Variants in MTUS2 observed in about 807,000 individuals in gnomAD.
MTUS2 encodes the protein microtubule-associated tumor suppressor candidate 2.
MTUS2 carries 40 observed loss-of-function variants against 114.1 expected under a neutral mutation model. The ratio of observed to expected loss-of-function variants is 0.35; its 90% CI spans 0.27 to 0.46. The LOEUF (loss-of-function observed/expected upper bound fraction) is 0.46, where lower values mean the gene tolerates loss of function less well. Ranked by LOEUF, MTUS2 falls within the 20% of genes least tolerant of loss-of-function variation. The probability of loss-of-function intolerance (pLI) is 1.00; values close to 1 mark genes in which losing one functional copy is unlikely to be tolerated. For missense variants in MTUS2, 1,679 were observed against 1,705.4 expected (o/e 0.98, Z 0.27); for synonymous variants, 688 against 672.0 (o/e 1.02, Z -0.37).
intron 5 of MTUS2, among the ~76,000 whole-genome samples, chr13:29,117,487 T>C (rs919534318): frequency 6.6e-6 from 1 of 152,210 alleles, no homozygotes; most frequent in African/African-American, 2.4e-5. Flanking sequence ...TCCTTGGTTT[T>C]CAGGGTTGAG....
intron 2 of MTUS2, among the ~76,000 whole-genome samples, chr13:29,021,714 A>C (rs1202415399): frequency 6.6e-6 from 1 of 152,240 alleles, no homozygotes; most frequent in East Asian, 1.9e-4. Flanking sequence ...GCATTCTTTT[A>C]AACTGTGATC....
chr13:29,350,185 C>G (rs1296433792), intron 7 of MTUS2, among the ~76,000 whole-genome samples: 2 of 151,904 alleles, frequency 1.3e-5, no homozygotes, highest in African/African-American at 2.4e-5. Flanking sequence ...TGTTAGACAT[C>G]CAGAAGTGGC....
chr13:29,176,428 T>C (rs1893774673), intron 5 of MTUS2, among the ~76,000 whole-genome samples: 1 of 152,186 alleles, frequency 6.6e-6, no homozygotes, highest in African/African-American at 2.4e-5. Context: ...GTGTGTTCTC[T>C]TGGAGCAGGT....
intron 2 of MTUS2, among the ~76,000 whole-genome samples, chr13:28,861,378 A>G (rs890587796): frequency 6.6e-6 from 1 of 151,298 alleles, no homozygotes; most frequent in African/African-American, 2.4e-5. Context: ...TGGCATGGGT[A>G]CAGTTCTGTC....
intron 5 of MTUS2, among the ~76,000 whole-genome samples, chr13:29,194,980 TA>T (rs1894619631): frequency 6.7e-6 from 1 of 149,084 alleles, no homozygotes; most frequent in African/African-American, 2.5e-5. Flanking sequence ...TCATTCTCAG[TA>T]AACTATCGCA....
chr13:29,309,078 G>A (rs926932481), intron 6 of MTUS2, among the ~76,000 whole-genome samples: 4 of 152,168 alleles, frequency 2.6e-5, no homozygotes, highest in South Asian at 4.1e-4. Flanking sequence ...ATTACTATAT[G>A]TATACCCAAA....
intron 3 of MTUS2, among the ~76,000 whole-genome samples, chr13:29,031,239 T>G (rs1423961812): frequency 6.8e-6 from 1 of 146,336 alleles, no homozygotes; most frequent in East Asian, 2.0e-4. Flanking sequence ...AACTAATAGG[T>G]GTGTGTGTGT....
chr13:29,122,740 T>C (rs1042394336), intron 5 of MTUS2, among the ~76,000 whole-genome samples: 3 of 152,202 alleles, frequency 2.0e-5, no homozygotes, highest in East Asian at 1.9e-4. Context: ...GAGATTCTTA[T>C]AGGAATTGAA....
intron 1 of MTUS2, among the ~76,000 whole-genome samples, chr13:28,828,750 C>T (rs1044238109): frequency 6.6e-6 from 1 of 151,946 alleles, no homozygotes; most frequent in Non-Finnish European, 1.5e-5. Context: ...ATATTTTATG[C>T]ATTTTAGAAA....
chr13:28,962,940 A>G (rs558147080), intron 2 of MTUS2, among the ~76,000 whole-genome samples: 5 of 152,308 alleles, frequency 3.3e-5, no homozygotes, highest in South Asian at 2.1e-4. Context: ...ATCCTGCACC[A>G]TCAGTATCCC....
At chr13:29,393,847 T>A (rs1488238791) in intron 8 of MTUS2, among the ~76,000 whole-genome samples, 5 of 152,096 alleles carry the variant, frequency 3.3e-5, no homozygotes, top group Non-Finnish European at 7.4e-5. Flanking sequence ...CAACTCGAAG[T>A]CGGGAGGGGG....
At chr13:29,464,379 G>A (rs1274088818) in intron 9 of MTUS2, among the ~76,000 whole-genome samples, 2 of 152,264 alleles carry the variant, frequency 1.3e-5, no homozygotes, top group African/African-American at 4.8e-5. Context: ...TTAAGCCAGG[G>A]AGAGAGAACA....
At chr13:29,066,424 A>G (rs1273568459) in intron 4 of MTUS2, among the ~76,000 whole-genome samples, 3 of 152,238 alleles carry the variant, frequency 2.0e-5, no homozygotes, top group Non-Finnish European at 2.9e-5. Context: ...TCCTATAATT[A>G]TCAAGAAGTG....
chr13:29,271,601 G>A (rs1897883269), intron 5 of MTUS2, among the ~76,000 whole-genome samples: 1 of 152,106 alleles, frequency 6.6e-6, no homozygotes, highest in Non-Finnish European at 1.5e-5. Flanking sequence ...CCTGTTTATT[G>A]GAGTTTGTGT....
chr13:28,995,258 A>G (rs1885045392), intron 2 of MTUS2, among the ~76,000 whole-genome samples: 1 of 152,180 alleles, frequency 6.6e-6, no homozygotes, highest in Non-Finnish European at 1.5e-5. Context: ...CCATTGATCT[A>G]TATCTCTGTT....
Position 28,966,847 on chromosome 13 carries a change from A to G in MTUS2, c.-242-57610A>G, listed in dbSNP as rs987575956. The stretch of plus-strand genomic sequence containing the variant: ...TCCATGAAAATAATACCCATTTTGA[A>G]ATATTAAGGAAGTTTACAATTGTAC... On this transcript the variant is annotated intron_variant, in intron 2 of 15. Transcript: ENST00000612955. Among the ~76,000 whole-genome samples the G allele has an allele frequency of 3.3e-5, 5 of 152,270 alleles. No homozygotes were observed. The East Asian group carries it at 7.7e-4, about 23-fold the overall frequency.
chr13:28,877,547 AT>A (rs1878021024), intron 2 of MTUS2, among the ~76,000 whole-genome samples: 1 of 152,184 alleles, frequency 6.6e-6, no homozygotes, highest in South Asian at 2.1e-4. Flanking sequence ...AGAATGTCAT[AT>A]TATAGTCATG....
intron 11 of MTUS2, among the ~76,000 whole-genome samples, chr13:29,490,342 A>T (rs1881970651): frequency 6.6e-6 from 1 of 152,208 alleles, no homozygotes; most frequent in African/African-American, 2.4e-5. Context: ...CAGAATGGTA[A>T]TTGTCGGCCT....
At chr13:29,318,459 CAG>C (rs1437301864) in intron 6 of MTUS2, among the ~76,000 whole-genome samples, 1 of 142,010 alleles carries the variant, frequency 7.0e-6, no homozygotes, top group Non-Finnish European at 1.5e-5. Context: ...TTCAGGGACT[CAG>C]GGGACTAATG....
Sources: gnomAD v4.1 joint callset for allele counts (sites outside exome capture counted in the v4.1 genomes callset) on GRCh38, gnomAD v4.1.1 for gene constraint, MANE v1.5 for transcripts, NCBI Gene and HGNC (gene_info 2026-07-23, HGNC 2026-07-21) for gene names.